HERC1: variants seen among roughly 807,000 people sequenced by gnomAD.
The protein encoded by HERC1 is HECT and RLD domain containing E3 ubiquitin protein ligase family member 1, also known as probable E3 ubiquitin-protein ligase HERC1.
Under a neutral mutation model 554.3 loss-of-function variants are expected in HERC1, and 160 were observed. The observed-to-expected ratio is 0.29, with a 90% CI of 0.25 to 0.33. HERC1 has a LOEUF of 0.33. Ranked by LOEUF, HERC1 falls within the 10% of genes least tolerant of loss-of-function variation. The pLI, the probability that HERC1 is intolerant of heterozygous loss-of-function variation, is 1.00. For missense variants in HERC1, 4,919 were observed against 5,918.5 expected, an observed-to-expected ratio of 0.83 and a Z score of 5.54; for synonymous variants, 2,175 against 2,131.7, an observed-to-expected ratio of 1.02 and a Z score of -0.56.
At chr15:63,618,559 T>C in intron 74 of HERC1, among the ~76,000 whole-genome samples, 1 of 152,010 alleles carries the variant, frequency 6.6e-6, no homozygotes, top group Non-Finnish European at 1.5e-5. Context: ...GGTAGCTTGA[T>C]GGGGATGGCA....
chr15:63,626,129 G>A lies in HERC1; in HGVS notation c.13131C>T (p.Gly4377=), dbSNP rs1344091056. ...APGVSVPLQL[G]LPDTVPPQYG... is the part of the protein sequence containing the mutation. ...ACTGGGGGGGCACTGTGTCAGGCAG[G>A]CCCAGCTGCAGAGGTACTGACACAC... Residue 4377 remains glycine, a synonymous_variant, in exon 71 of 78, where the codon GGC becomes GGT. Coordinates refer to ENST00000443617, the MANE Select transcript of HERC1 (RefSeq NM_003922.4). The A allele has an allele frequency of 6.2e-7, 1 of 1,613,540 alleles. No individual in the cohort carries two copies. Among genetic ancestry groups the A allele is most frequent in the Admixed American group, 1.7e-5 (1 of 59,920 alleles).
intron 25 of HERC1, among the ~76,000 whole-genome samples, chr15:63,700,036 T>C (rs537645187): frequency 2.0e-5 from 3 of 152,146 alleles, no homozygotes; most frequent in African/African-American, 7.2e-5. Context: ...CTTCTATCTA[T>C]TTGCTCCTCC....
intron 1 of HERC1, among the ~76,000 whole-genome samples, chr15:63,810,645 A>G (rs2077275695): frequency 6.6e-6 from 1 of 152,226 alleles, no homozygotes; most frequent in Non-Finnish European, 1.5e-5. Flanking sequence ...TAATTTAAAA[A>G]AAGGGCAAAG....
chr15:63,714,499 C>G (rs954317705), intron 22 of HERC1, among the ~76,000 whole-genome samples: 4 of 150,886 alleles, frequency 2.7e-5, no homozygotes, highest in Non-Finnish European at 5.9e-5. Flanking sequence ...AAATTTTTTG[C>G]ACAAATTTGG....
At chr15:63,815,125 T>C (rs1282751587) in intron 1 of HERC1, among the ~76,000 whole-genome samples, 2 of 152,230 alleles carry the variant, frequency 1.3e-5, no homozygotes, top group East Asian at 1.9e-4. Flanking sequence ...CAGGTCTTCA[T>C]GCTTTCTATC....
intron 11 of HERC1, among the ~76,000 whole-genome samples, chr15:63,747,472 A>G (rs551624320): frequency 6.6e-6 from 1 of 151,886 alleles, no homozygotes; most frequent in Admixed American, 6.6e-5. Context: ...AAAAAAAAAA[A>G]TTTTGTCAAG....
intron 41 of HERC1, 69 bp downstream of exon 41, chr15:63,666,287 G>C (rs1408900073): frequency 3.6e-6 from 5 of 1,399,104 alleles, no homozygotes; most frequent in Non-Finnish European, 5.0e-6. Context: ...CCTCTTAAAA[G>C]TTATGTTGTC....
At chr15:63,633,761 G>T in intron 67 of HERC1, 87 bp downstream of exon 67, 1 of 1,381,378 alleles carries the variant, frequency 7.2e-7, no homozygotes, top group Non-Finnish European at 9.9e-7. Context: ...AGTACTAAAG[G>T]TAAATTATTT....
intron 7 of HERC1, 140 bp from the exon 8 acceptor site, chr15:63,753,225 G>T: frequency 1.9e-6 from 1 of 515,302 alleles, no homozygotes. Context: ...TGATAGCTGA[G>T]GATGTTAACA....
At chr15:63,641,098 G>A (rs145585192) in intron 60 of HERC1, among the ~76,000 whole-genome samples, 98 of 152,152 alleles carry the variant, frequency 6.4e-4, no homozygotes, top group African/African-American at 2.1e-3. Context: ...TCTGATACCC[G>A]CATCCATCCC....
intron 77 of HERC1, among the ~76,000 whole-genome samples, chr15:63,610,992 T>C (rs989508761): frequency 3.9e-5 from 6 of 152,102 alleles, no homozygotes; most frequent in Middle Eastern, 3.4e-3. Context: ...TCAGCAATGG[T>C]AGGGGCACTC....
At position 63,680,858 on chromosome 15, in the gene HERC1, T is replaced by A; in HGVS notation, c.6226-82A>T. The A allele has an allele frequency of 1.1e-6, 1 of 907,642 alleles. No individual in the cohort carries two copies. Among genetic ancestry groups the A allele is most frequent in the Non-Finnish European group, 1.7e-6 (1 of 579,212 alleles). The allele number at this position is 907,642 out of a possible 1,614,324, so 56.2% of individuals were successfully genotyped here. A position where few individuals can be genotyped will look rare whatever the true frequency, so the allele number is the denominator to read the frequency against. ...ACTGCATTAACCAATACTGAAAATA[T>A]GTTTATAAATAATACTAATGCATTT... On this transcript the variant is annotated intron_variant, in intron 34 of 77. Coordinates refer to ENST00000443617, the MANE Select transcript of HERC1 (RefSeq NM_003922.4). The surrounding 1 kb of genome is among the most constrained non-coding windows in gnomAD (Gnocchi z 5.8).
chr15:63,744,507 G>A (rs1006325575), intron 12 of HERC1, among the ~76,000 whole-genome samples: 3 of 152,092 alleles, frequency 2.0e-5, no homozygotes, highest in Admixed American at 6.5e-5. Flanking sequence ...AAAAACCTTA[G>A]AGGTCTACCC....
chr15:63,649,656 A>G, intron 54 of HERC1, 69 bp downstream of exon 54: 1 of 1,290,142 alleles, frequency 7.8e-7, no homozygotes, highest in South Asian at 1.4e-5. Context: ...TTAAAAGCAA[A>G]TGCCAAAAAG....
At chr15:63,817,461 T>C (rs1000065461) in intron 1 of HERC1, among the ~76,000 whole-genome samples, 3 of 152,194 alleles carry the variant, frequency 2.0e-5, no homozygotes, top group African/African-American at 7.2e-5. Flanking sequence ...ACACCTGTAA[T>C]CCAAACACTT....
chr15:63,664,233 C>A (rs1407966542), intron 43 of HERC1, among the ~76,000 whole-genome samples: 1 of 152,152 alleles, frequency 6.6e-6, no homozygotes, highest in Non-Finnish European at 1.5e-5. Context: ...TCAAAATCTA[C>A]AAGTGGCCAG....
At position 63,698,709 on chromosome 15, in the gene HERC1, G is replaced by A. The variant is rs147572174; in HGVS notation, c.4905+19C>T. On this transcript the variant is annotated intron_variant, in intron 26 of 77. Transcript: ENST00000443617. ...TAAGTTTCCAGAGCTCTCATAAGGA[G>A]TAAATATCAAAGACTTACTTCTGCC... 4.7e-5 allele frequency: 76 copies of A among 1,606,364 alleles called. No individual in the cohort carries two copies. The African/African-American group carries it at 8.2e-4, about 17-fold the overall frequency.
intron 44 of HERC1, 99 bp from the exon 45 acceptor site, chr15:63,662,120 C>T (rs2152932316): frequency 8.3e-7 from 1 of 1,206,466 alleles, no homozygotes; most frequent in East Asian, 2.6e-5. Flanking sequence ...ATTACATATG[C>T]TAGAATATTT....
rs149804637 is a variant in HERC1 at position 63,725,067 on chromosome 15, G to A, written c.3568+225C>T. 2.0e-5 allele frequency among the ~76,000 whole-genome samples: 3 copies of A among 152,182 alleles called. No homozygotes were observed. The East Asian group carries it at 5.8e-4, about 29-fold the overall frequency. On this transcript the variant is annotated intron_variant, in intron 18 of 77. Transcript: ENST00000443617. Reference sequence around the variant, plus strand: ...ATGAGTGATAAATATGACAGAGTAGGACCAGACCTACAATTTCTATTTCCT... The same window carrying A: ...ATGAGTGATAAATATGACAGAGTAGAACCAGACCTACAATTTCTATTTCCT...
Sources: allele counts gnomAD v4.1 joint callset (sites outside exome capture counted in the v4.1 genomes callset), GRCh38; gene constraint gnomAD v4.1.1; non-coding constraint Gnocchi (gnomAD v3.1); transcripts MANE v1.5; gene names NCBI Gene and HGNC (gene_info 2026-07-23, HGNC 2026-07-21).